Variants in ARK2C observed in about 807,000 individuals in gnomAD.
ARK2C encodes the protein arkadia (RNF111) C-terminal like ring finger ubiquitin ligase 2C.
the ARK2C span, among the ~76,000 whole-genome samples, chr18:46,411,961 G>A: frequency 6.6e-6 from 1 of 152,236 alleles, no homozygotes; most frequent in Non-Finnish European, 1.5e-5. Context: ...ATGATGCCAG[G>A]CTCCCTGGGC....
chr18:46,401,451 C>CAGAT, the ARK2C span, among the ~76,000 whole-genome samples: 8 of 152,260 alleles, frequency 5.3e-5, no homozygotes, highest in Non-Finnish European at 1.0e-4. Context: ...AGCTCTTCAA[C>CAGAT]AGATGCAAGA....
the ARK2C span, among the ~76,000 whole-genome samples, chr18:46,363,779 G>A: frequency 6.6e-6 from 1 of 152,086 alleles, no homozygotes; most frequent in Non-Finnish European, 1.5e-5. Flanking sequence ...TTTTAAGGTT[G>A]GGTCTCCTTG....
chr18:46,334,713 TGTGAGAGA>T, the ARK2C span: 4,608 of 97,876 alleles, frequency 0.047, 39 homozygotes, highest in East Asian at 0.16. The surrounding 1 kb of genome is among the most constrained non-coding windows in gnomAD (Gnocchi z 4.4). Flanking sequence ...TGTGTGTGTG[TGTGAGAGA>T]GAGAGAGAGC....
the ARK2C span, chr18:46,450,643 C>A: frequency 7.7e-7 from 1 of 1,303,078 alleles, no homozygotes; most frequent in Non-Finnish European, 1.1e-6. Flanking sequence ...AATCCATATC[C>A]TGTGTGCATG....
the ARK2C span, among the ~76,000 whole-genome samples, chr18:46,453,565 TAAG>T: frequency 1.6e-4 from 24 of 151,576 alleles, no homozygotes; most frequent in East Asian, 4.7e-3. Flanking sequence ...GAATTAAAAA[TAAG>T]AAATGACAAA....
At chr18:46,378,421 T>C in the ARK2C span, among the ~76,000 whole-genome samples, 1 of 152,144 alleles carries the variant, frequency 6.6e-6, no homozygotes, top group Non-Finnish European at 1.5e-5. Flanking sequence ...CTCCAGCACA[T>C]TCATTCCCCC....
the ARK2C span, among the ~76,000 whole-genome samples, chr18:46,436,929 A>G: frequency 1.3e-5 from 2 of 152,212 alleles, no homozygotes; most frequent in Non-Finnish European, 2.9e-5. Context: ...AACACACACA[A>G]GGGCCTACAG....
chr18:46,411,298 T>C, the ARK2C span, among the ~76,000 whole-genome samples: 4 of 152,196 alleles, frequency 2.6e-5, no homozygotes, highest in Non-Finnish European at 4.4e-5. Flanking sequence ...TGCTGAAAGA[T>C]AATTATGGTG....
chr18:46,411,315 G>T, the ARK2C span, among the ~76,000 whole-genome samples: 1 of 152,188 alleles, frequency 6.6e-6, no homozygotes. Context: ...GGTGGCATTG[G>T]CTGGAGAAAG....
chr18:46,450,299 G>C, the ARK2C span: 2 of 1,612,252 alleles, frequency 1.2e-6, no homozygotes, highest in African/African-American at 2.7e-5. Context: ...CCAACAGGTC[G>C]TCCATGAAAT....
the ARK2C span, among the ~76,000 whole-genome samples, chr18:46,342,341 C>T: frequency 2.7e-5 from 4 of 146,206 alleles, no homozygotes; most frequent in African/African-American, 1.1e-4. Context: ...CCTGCTTTCC[C>T]GCCATAGCTG....
chr18:46,451,727 C>T, the ARK2C span, among the ~76,000 whole-genome samples: 1 of 152,148 alleles, frequency 6.6e-6, no homozygotes, highest in African/African-American at 2.4e-5. Context: ...ATTACTTGAG[C>T]CCAGGAGTTT....
At chr18:46,370,840 G>A in the ARK2C span, among the ~76,000 whole-genome samples, 1 of 152,182 alleles carries the variant, frequency 6.6e-6, no homozygotes, top group Non-Finnish European at 1.5e-5. Context: ...TTGGAACTCA[G>A]GGGGCGTGAG....
chr18:46,395,670 C>T, the ARK2C span, among the ~76,000 whole-genome samples: 3 of 152,212 alleles, frequency 2.0e-5, no homozygotes, highest in Non-Finnish European at 4.4e-5. Context: ...ATCTCATTCA[C>T]TGTCTGGAGC....
At chr18:46,435,151 A>G in the ARK2C span, 1 of 642,456 alleles carries the variant, frequency 1.6e-6, no homozygotes. Context: ...GGTGAAGCTC[A>G]GTGCTTGCTA....
the ARK2C span, among the ~76,000 whole-genome samples, chr18:46,441,302 C>T: frequency 6.6e-6 from 1 of 152,094 alleles, no homozygotes; most frequent in Non-Finnish European, 1.5e-5. Flanking sequence ...GCAGGCTGGT[C>T]TTACATGCCT....
the ARK2C span, among the ~76,000 whole-genome samples, chr18:46,408,055 AG>A: frequency 6.6e-6 from 1 of 152,176 alleles, no homozygotes; most frequent in Non-Finnish European, 1.5e-5. Context: ...GAAAAAGCCA[AG>A]GGAGATATTT....
At chr18:46,361,861 AG>A in the ARK2C span, among the ~76,000 whole-genome samples, 1 of 152,244 alleles carries the variant, frequency 6.6e-6, no homozygotes, top group Non-Finnish European at 1.5e-5. Flanking sequence ...TGAGGAGGTT[AG>A]GTGATATGCT....
chr18:46,456,950 G>C, the ARK2C span: 1 of 373,610 alleles, frequency 2.7e-6, no homozygotes, highest in Non-Finnish European at 5.1e-6. Context: ...GAAGGCACTA[G>C]CTGACAGACG....
Sources: allele counts gnomAD v4.1 joint callset (sites outside exome capture counted in the v4.1 genomes callset), GRCh38; gene constraint gnomAD v4.1.1; non-coding constraint Gnocchi (gnomAD v3.1); transcripts MANE v1.5; gene names NCBI Gene and HGNC (gene_info 2026-07-23, HGNC 2026-07-21).